POPDC1: variants seen among roughly 807,000 people sequenced by gnomAD.
POPDC1 encodes the protein popeye domain cAMP effector 1, also known as popeye domain-containing protein 1.
chr6:105,101,194 C>T, the POPDC1 span: 1 of 1,612,370 alleles, frequency 6.2e-7, no homozygotes, highest in Non-Finnish European at 8.5e-7. Context: ...CAGAGGCTCG[C>T]TGGTGTGGGG....
At chr6:105,107,836 C>T in the POPDC1 span, among the ~76,000 whole-genome samples, 3 of 151,818 alleles carry the variant, frequency 2.0e-5, no homozygotes, top group Non-Finnish European at 4.4e-5. Flanking sequence ...AATTCTTTTC[C>T]TGTCTTTGCT....
the POPDC1 span, chr6:105,133,279 GAAGCTCTC>G: frequency 3.9e-6 from 5 of 1,277,792 alleles, no homozygotes; most frequent in Non-Finnish European, 5.4e-6. Context: ...AGAATACTCT[GAAGCTCTC>G]AATGTAAAGC....
chr6:105,129,273 T>A, the POPDC1 span: 1 of 1,024,312 alleles, frequency 9.8e-7, no homozygotes. Flanking sequence ...AGAAATTATA[T>A]TAAAGTGACT....
chr6:105,129,406 C>G, the POPDC1 span: 2 of 1,611,694 alleles, frequency 1.2e-6, no homozygotes, highest in Admixed American at 1.7e-5. Flanking sequence ...AAAGATACGA[C>G]AGATGCAAAA....
At chr6:105,100,950 C>A in the POPDC1 span, 1 of 993,900 alleles carries the variant, frequency 1.0e-6, no homozygotes, top group Non-Finnish European at 1.4e-6. Context: ...ATCCTTGACC[C>A]TTCCTCACTT....
At chr6:105,108,215 GAGA>G in the POPDC1 span, among the ~76,000 whole-genome samples, 1 of 152,208 alleles carries the variant, frequency 6.6e-6, no homozygotes, top group African/African-American at 2.4e-5. Context: ...CAGGGTAGAG[GAGA>G]AGGTGAATGA....
At chr6:105,111,544 A>T in the POPDC1 span, among the ~76,000 whole-genome samples, 1 of 152,316 alleles carries the variant, frequency 6.6e-6, no homozygotes, top group South Asian at 2.1e-4. Flanking sequence ...ATGTTTGCAA[A>T]CATGAAACCC....
the POPDC1 span, chr6:105,125,409 C>T: frequency 3.1e-6 from 5 of 1,614,212 alleles, no homozygotes; most frequent in Non-Finnish European, 4.2e-6. Flanking sequence ...CAAGAGAATA[C>T]TCAGACGGTC....
the POPDC1 span, among the ~76,000 whole-genome samples, chr6:105,117,055 C>A: frequency 6.6e-6 from 1 of 152,108 alleles, no homozygotes; most frequent in South Asian, 2.1e-4. Flanking sequence ...TTTAAAAAAG[C>A]AATCTGCAGA....
At chr6:105,127,362 T>C in the POPDC1 span, among the ~76,000 whole-genome samples, 1 of 152,302 alleles carries the variant, frequency 6.6e-6, no homozygotes, top group Admixed American at 6.5e-5. Flanking sequence ...GCAATCATTA[T>C]CTACCTCCTC....
chr6:105,099,788 C>T, the POPDC1 span: 1 of 152,308 alleles, frequency 6.6e-6, no homozygotes, highest in Non-Finnish European at 1.5e-5. Flanking sequence ...AGAGATGTCT[C>T]TGCCTCTAGA....
the POPDC1 span, among the ~76,000 whole-genome samples, chr6:105,104,181 C>G: frequency 2.6e-5 from 4 of 152,056 alleles, no homozygotes; most frequent in African/African-American, 9.7e-5. Flanking sequence ...ACTCCCATCT[C>G]TAACCACCAA....
chr6:105,126,180 T>C, the POPDC1 span, among the ~76,000 whole-genome samples: 1,095 of 150,764 alleles, frequency 7.3e-3, 5 homozygotes, highest in Non-Finnish European at 0.011. Flanking sequence ...GAGCTGAGAT[T>C]GCTCCATTGC....
the POPDC1 span, among the ~76,000 whole-genome samples, chr6:105,109,383 A>G: frequency 8.1e-4 from 123 of 152,292 alleles, no homozygotes; most frequent in African/African-American, 2.8e-3. Flanking sequence ...TATTGAGCAG[A>G]AAGTGGAGGG....
the POPDC1 span, among the ~76,000 whole-genome samples, chr6:105,110,903 C>G: frequency 6.6e-6 from 1 of 152,166 alleles, no homozygotes; most frequent in Non-Finnish European, 1.5e-5. Context: ...CCAGGCTCGT[C>G]TTGAACTCCT....
chr6:105,101,370 T>C, the POPDC1 span, among the ~76,000 whole-genome samples: 11 of 152,266 alleles, frequency 7.2e-5, no homozygotes, highest in Middle Eastern at 3.4e-3. Flanking sequence ...TCTATTTCAA[T>C]CCAGCATCTC....
At chr6:105,118,122 T>C in the POPDC1 span, among the ~76,000 whole-genome samples, 1 of 152,100 alleles carries the variant, frequency 6.6e-6, no homozygotes, top group East Asian at 1.9e-4. Context: ...CAAAAACCAA[T>C]GTCCATTAAA....
At chr6:105,117,040 T>C in the POPDC1 span, among the ~76,000 whole-genome samples, 1 of 152,228 alleles carries the variant, frequency 6.6e-6, no homozygotes, top group Non-Finnish European at 1.5e-5. Flanking sequence ...TATAAAATTA[T>C]GTTTTTTAAA....
the POPDC1 span, among the ~76,000 whole-genome samples, chr6:105,106,470 A>G: frequency 6.6e-6 from 1 of 152,256 alleles, no homozygotes; most frequent in Non-Finnish European, 1.5e-5. Flanking sequence ...GAAGACTGGG[A>G]CAGCAGCGAG....
Sources: allele counts gnomAD v4.1 joint callset (sites outside exome capture counted in the v4.1 genomes callset), GRCh38; gene constraint gnomAD v4.1.1; transcripts MANE v1.5; gene names NCBI Gene and HGNC (gene_info 2026-07-23, HGNC 2026-07-21).